Variants in ADAMTS6 observed in about 807,000 individuals in gnomAD.
The protein encoded by ADAMTS6 is ADAM metallopeptidase with thrombospondin type 1 motif 6, also known as A disintegrin and metalloproteinase with thrombospondin motifs 6.
Under a neutral mutation model 144.3 loss-of-function variants are expected in ADAMTS6, and 23 were observed. The ratio of observed to expected loss-of-function variants is 0.16; its 90% CI spans 0.11 to 0.23. The LOEUF is 0.23. Ranked by LOEUF, ADAMTS6 falls within the 10% of genes least tolerant of loss-of-function variation. The pLI, the probability that ADAMTS6 is intolerant of heterozygous loss-of-function variation, is 1.00. For missense variants in ADAMTS6, 999 were observed against 1,379.6 expected (o/e 0.72, Z 4.37); for synonymous variants, 444 against 457.5 (o/e 0.97, Z 0.38).
intron 20 of ADAMTS6, among the ~76,000 whole-genome samples, chr5:65,211,340 G>A (rs550636592): frequency 3.0e-4 from 46 of 152,154 alleles, no homozygotes; most frequent in Non-Finnish European, 5.0e-4. Flanking sequence ...AGTGGCTCAC[G>A]CCTGTAATCC....
At chr5:65,173,057 G>A (rs1753733172) in intron 22 of ADAMTS6, 49 bp from the exon 23 acceptor site, 1 of 1,558,400 alleles carries the variant, frequency 6.4e-7, no homozygotes, top group African/African-American at 1.4e-5. Context: ...AAAGACAGAG[G>A]AAAATTTGAA....
At chr5:65,307,195 T>A (rs993446391) in intron 9 of ADAMTS6, among the ~76,000 whole-genome samples, 3 of 152,232 alleles carry the variant, frequency 2.0e-5, no homozygotes, top group African/African-American at 7.2e-5. Flanking sequence ...CTTAGTTTTA[T>A]AAGAAACTGC....
chr5:65,210,621 G>A (rs576275798), intron 20 of ADAMTS6: 15 of 608,700 alleles, frequency 2.5e-5, no homozygotes, highest in Admixed American at 8.3e-5. Flanking sequence ...AGGAAGCTAT[G>A]GATGGAGGCT....
intron 14 of ADAMTS6, among the ~76,000 whole-genome samples, chr5:65,252,277 A>G (rs1189127051): frequency 6.6e-6 from 1 of 151,806 alleles, no homozygotes; most frequent in African/African-American, 2.4e-5. Flanking sequence ...TACTTGGGTT[A>G]CTAGGAATTC....
intron 7 of ADAMTS6, among the ~76,000 whole-genome samples, chr5:65,410,649 A>G (rs1291812285): frequency 6.6e-6 from 1 of 152,138 alleles, no homozygotes; most frequent in Non-Finnish European, 1.5e-5. Flanking sequence ...CTCCAAATTG[A>G]AATTTTGTGT....
intron 7 of ADAMTS6, among the ~76,000 whole-genome samples, chr5:65,406,107 C>G (rs1169866288): frequency 1.3e-5 from 2 of 152,158 alleles, no homozygotes; most frequent in Non-Finnish European, 2.9e-5. Flanking sequence ...GACAATTTGA[C>G]TTCCTCTTTT....
chr5:65,286,681 AC>A (rs1378728807), intron 11 of ADAMTS6, among the ~76,000 whole-genome samples: 1 of 152,218 alleles, frequency 6.6e-6, no homozygotes, highest in Non-Finnish European at 1.5e-5. Context: ...CATTAAGTGT[AC>A]TGGAAAACAA....
intron 7 of ADAMTS6, among the ~76,000 whole-genome samples, chr5:65,386,739 C>G (rs566806430): frequency 5.0e-4 from 76 of 152,176 alleles, no homozygotes; most frequent in African/African-American, 1.8e-3. Context: ...AGGTGCCCAC[C>G]ACCACACCCA....
intron 23 of ADAMTS6, among the ~76,000 whole-genome samples, chr5:65,171,844 C>G (rs1348433103): frequency 6.6e-6 from 1 of 152,082 alleles, no homozygotes; most frequent in Non-Finnish European, 1.5e-5. Flanking sequence ...TCAGTCACTT[C>G]AGAACTGAAG....
chr5:65,406,929 T>C (rs987665222), intron 7 of ADAMTS6, among the ~76,000 whole-genome samples: 12 of 152,010 alleles, frequency 7.9e-5, no homozygotes, highest in African/African-American at 2.7e-4. Flanking sequence ...AAGAGAAGTT[T>C]AGAGAAAAAA....
At chr5:65,224,253 TGA>T in intron 18 of ADAMTS6, 65 bp downstream of exon 18, 1 of 1,330,290 alleles carries the variant, frequency 7.5e-7, no homozygotes, top group Non-Finnish European at 1.1e-6. Flanking sequence ...TTTTCCTTCA[TGA>T]TACTGTGCTA....
chr5:65,329,750 G>A lies in ADAMTS6; in HGVS notation c.1118-267C>T, dbSNP rs140946643. 4.6e-5 allele frequency among the ~76,000 whole-genome samples: 7 copies of A among 152,144 alleles called. No homozygotes were observed. The East Asian group carries it at 1.4e-3, about 29-fold the overall frequency. ...ATAAATTTTACTTCTGGTAACTTGG[G>A]ACCACCTAGTAACTTGAGCCAGAAG... is the stretch of plus-strand genomic sequence containing the variant. On this transcript the variant is annotated intron_variant, in intron 8 of 24. Coordinates refer to ENST00000381055, the MANE Select transcript of ADAMTS6 (RefSeq NM_197941.4).
chr5:65,332,306 TATATATAGAGAGAGAGAGAG>T (rs1467926997), intron 8 of ADAMTS6, among the ~76,000 whole-genome samples: 11 of 120,612 alleles, frequency 9.1e-5, no homozygotes, highest in Non-Finnish European at 1.5e-4. Context: ...TATATATATA[TATATATAGAGAGAGAGAGAG>T]AGAGAGAGAG....
At chr5:65,216,181 A>G (rs1344122552) in intron 18 of ADAMTS6, among the ~76,000 whole-genome samples, 2 of 152,174 alleles carry the variant, frequency 1.3e-5, no homozygotes, top group Non-Finnish European at 2.9e-5. Context: ...AATCAAAACA[A>G]CACAAATGTT....
intron 8 of ADAMTS6, among the ~76,000 whole-genome samples, chr5:65,331,828 A>G (rs1301048865): frequency 6.6e-6 from 1 of 152,000 alleles, no homozygotes; most frequent in African/African-American, 2.4e-5. Flanking sequence ...CCATAGATGA[A>G]GTTAAAACGT....
chr5:65,342,922 A>G (rs1747983860), intron 7 of ADAMTS6, among the ~76,000 whole-genome samples: 1 of 152,122 alleles, frequency 6.6e-6, no homozygotes, highest in Non-Finnish European at 1.5e-5. Flanking sequence ...TAGTTGAAAA[A>G]AATCCAGAAG....
At chr5:65,288,198 T>C (rs1041197837) in intron 11 of ADAMTS6, among the ~76,000 whole-genome samples, 1 of 152,176 alleles carries the variant, frequency 6.6e-6, no homozygotes, top group Non-Finnish European at 1.5e-5. Context: ...GATGTAATCA[T>C]TGGTAACCCA....
At position 65,420,149 on chromosome 5, in the gene ADAMTS6, G is replaced by A. The variant is rs920754048; in HGVS notation, c.1073+31326C>T. On this transcript the variant is annotated intron_variant, in intron 7 of 24. Coordinates refer to ENST00000381055, the MANE Select transcript of ADAMTS6 (RefSeq NM_197941.4). ...GCAAAGGGTGAAAAGCCCCTTATAC[G>A]TAATAAAACCATCAGATCTTGTGAG... Among the ~76,000 whole-genome samples the A allele has an allele frequency of 4.6e-5, 7 of 152,200 alleles. No homozygotes were observed. The South Asian group carries it at 6.2e-4, about 14-fold the overall frequency.
intron 24 of ADAMTS6, among the ~76,000 whole-genome samples, chr5:65,158,487 T>G (rs1226869290): frequency 1.3e-5 from 2 of 152,146 alleles, no homozygotes; most frequent in Non-Finnish European, 2.9e-5. Context: ...CCTTGTACTA[T>G]TGAGAAGCTG....
Sources: gnomAD v4.1 joint callset for allele counts (sites outside exome capture counted in the v4.1 genomes callset) on GRCh38, gnomAD v4.1.1 for gene constraint, MANE v1.5 for transcripts, NCBI Gene and HGNC (gene_info 2026-07-23, HGNC 2026-07-21) for gene names.